Variants in CX3CR1 observed in about 807,000 individuals in gnomAD.
CX3CR1 encodes CX3C chemokine receptor 1.
For missense variants in CX3CR1, 363 were observed against 432.4 expected, an observed-to-expected ratio of 0.84 and a Z score of 1.42; for synonymous variants, 168 against 178.5, an observed-to-expected ratio of 0.94 and a Z score of 0.47.
upstream of CX3CR1, chr3:39,281,223 G>A (rs1243945593): frequency 2.9e-6 from 3 of 1,038,796 alleles, no homozygotes; most frequent in Admixed American, 1.6e-4. Flanking sequence ...CTTGGTCTCA[G>A]TGTTTGGCCA....
At chr3:39,283,800 T>TAC, upstream of CX3CR1, among the ~76,000 whole-genome samples, 2 of 30,626 alleles carry the variant, frequency 6.5e-5, no homozygotes, top group South Asian at 7.8e-4. Context: ...AAAAATTATA[T>TAC]ATATATATAT....
upstream of CX3CR1, chr3:39,281,359 C>T (rs887352467): frequency 1.2e-6 from 1 of 810,644 alleles, no homozygotes; most frequent in Non-Finnish European, 1.7e-6. Flanking sequence ...GGGGTCCACT[C>T]AGCTGGGCTG....
the CX3CR1 span, among the ~76,000 whole-genome samples, chr3:39,289,066 A>G: frequency 6.6e-6 from 1 of 152,138 alleles, no homozygotes; most frequent in Non-Finnish European, 1.5e-5. Flanking sequence ...AGGCAGGAGA[A>G]TCACTTGAAC....
chr3:39,279,996 C>G lies in CX3CR1; in HGVS notation c.-52G>C, dbSNP rs1157335289. 1 of 985,416 alleles carries G rather than the reference C, an allele frequency of 1.0e-6. No homozygotes were observed. Among genetic ancestry groups the G allele is most frequent in the Admixed American group, 6.1e-5 (1 of 16,272 alleles). The allele number at this position is 985,416 out of a possible 1,614,324, so 61.0% of individuals were successfully genotyped here. A position where few individuals can be genotyped will look rare whatever the true frequency, so the allele number is the denominator to read the frequency against. ...GGGAACCTCTGGATCTGCCAGTCAG[C>G]CACCCTGTCCTGCTCAGACTTTACC... On this transcript the variant is annotated 5_prime_UTR_variant, in exon 1 of 2. Transcript: ENST00000399220.
At chr3:39,279,675 A>G (rs1319413291) in intron 1 of CX3CR1, among the ~76,000 whole-genome samples, 1 of 152,214 alleles carries the variant, frequency 6.6e-6, no homozygotes, top group Non-Finnish European at 1.5e-5. Context: ...GCAATTTTTC[A>G]TGCTTTTTTC....
At chr3:39,279,648 C>T (rs2040874324) in intron 1 of CX3CR1, among the ~76,000 whole-genome samples, 1 of 152,172 alleles carries the variant, frequency 6.6e-6, no homozygotes, top group Admixed American at 6.5e-5. Context: ...GCAATAATTC[C>T]TCAACAGCAT....
At chr3:39,269,947 G>C (rs553171610) in intron 1 of CX3CR1, among the ~76,000 whole-genome samples, 1 of 152,364 alleles carries the variant, frequency 6.6e-6, no homozygotes, top group African/African-American at 2.4e-5. Context: ...GTCATTGAGG[G>C]ACATTTTTGA....
chr3:39,267,090 A>G lies in CX3CR1; in HGVS notation c.-9-572T>C, dbSNP rs566216844. 2.8e-4 allele frequency among the ~76,000 whole-genome samples: 42 copies of G among 152,200 alleles called. 1 individual carries two copies. The East Asian group carries it at 7.9e-3, about 29-fold the overall frequency. ...TGAGCCACAGCGCCCAGCCAGCTCTAGGCTTTTTGAAGCTTGAGACAGATC... is the reference window on the plus strand; with the variant it reads ...TGAGCCACAGCGCCCAGCCAGCTCTGGGCTTTTTGAAGCTTGAGACAGATC... On this transcript the variant is annotated intron_variant, in intron 1 of 1. Transcript: ENST00000399220.
Position 39,265,270 on chromosome 3 carries a change from T to C in CX3CR1, c.*172A>G, listed in dbSNP as rs1035437497. The C allele has an allele frequency of 6.5e-6, 4 of 612,658 alleles. No homozygotes were observed. The highest frequency in any genetic ancestry group is 8.3e-6 in the Non-Finnish European group (3 of 359,736). The allele number at this position is 612,658 out of a possible 1,614,324, so 38.0% of individuals were successfully genotyped here. On this transcript the variant is annotated 3_prime_UTR_variant, in exon 2 of 2. Coordinates refer to ENST00000399220, the MANE Select transcript of CX3CR1 (RefSeq NM_001337.4). ...TTGTCATTCAAAGAGTTCAATTTGTTCATTCTTCAAATTTTGAGCACAATT... is the reference window on the plus strand; with the variant it reads ...TTGTCATTCAAAGAGTTCAATTTGTCCATTCTTCAAATTTTGAGCACAATT...
upstream of CX3CR1, among the ~76,000 whole-genome samples, chr3:39,280,767 C>A (rs542360633): frequency 6.6e-6 from 1 of 152,344 alleles, no homozygotes; most frequent in South Asian, 2.1e-4. Flanking sequence ...AGTGGGGAGC[C>A]TGGTGGGCTC....
In CX3CR1 at chr3:39,265,648, G is replaced by A. The variant is rs1182637698; in HGVS notation, c.862C>T (p.Leu288=). 6.2e-7 allele frequency: 1 copy of A among 1,614,218 alleles called. No individual in the cohort carries two copies. Among genetic ancestry groups the A allele is most frequent in the Admixed American group, 1.7e-5 (1 of 60,026 alleles). ...GCAAATGCATAGATGAGAGGATTCA[G>A]GCAACAATGGCTAAATGCAACCGTC... ...TETVAFSHCC[L]NPLIYAFAGE... Residue 288 remains leucine, a synonymous_variant, in exon 2 of 2, where the codon CTG becomes TTG. Transcript: ENST00000399220.
chr3:39,278,911 A>G (rs1009234763), intron 1 of CX3CR1, among the ~76,000 whole-genome samples: 2 of 152,132 alleles, frequency 1.3e-5, no homozygotes, highest in Admixed American at 6.5e-5. Flanking sequence ...GAGCCTGAGT[A>G]TCCTCACAAT....
intron 1 of CX3CR1, among the ~76,000 whole-genome samples, chr3:39,273,428 T>G (rs531558815): frequency 6.6e-6 from 1 of 152,216 alleles, no homozygotes; most frequent in Non-Finnish European, 1.5e-5. Flanking sequence ...GTTTAGCCTA[T>G]TTTCTGCCTT....
chr3:39,272,839 C>G (rs1344189184), intron 1 of CX3CR1, among the ~76,000 whole-genome samples: 3 of 152,190 alleles, frequency 2.0e-5, no homozygotes, highest in Non-Finnish European at 2.9e-5. Context: ...AATCTGAAGT[C>G]ACCCTCAGAA....
At chr3:39,281,713 G>A (rs1221044075), upstream of CX3CR1, 1 of 1,581,476 alleles carries the variant, frequency 6.3e-7, no homozygotes, top group African/African-American at 1.3e-5. Context: ...TAAGTCCACG[G>A]CCTGGTAAGC....
chr3:39,283,791 AAAATTATATATAT>A (rs1369118987), upstream of CX3CR1, among the ~76,000 whole-genome samples: 3 of 83,792 alleles, frequency 3.6e-5, no homozygotes, highest in Non-Finnish European at 6.8e-5. Context: ...AAAAAAAAAA[AAAATTATATATAT>A]ATATATATAT....
upstream of CX3CR1, chr3:39,280,179 A>C (rs1367231895): frequency 5.1e-6 from 5 of 984,558 alleles, no homozygotes; most frequent in Non-Finnish European, 6.0e-6. Context: ...GGAGGGCCTG[A>C]CTTTATAAAC....
At chr3:39,292,677 T>C in the CX3CR1 span, among the ~76,000 whole-genome samples, 1 of 152,232 alleles carries the variant, frequency 6.6e-6, no homozygotes, top group Non-Finnish European at 1.5e-5. Flanking sequence ...CTAGTAATTG[T>C]CCTCATTTTA....
chr3:39,279,420 AT>A (rs1308814553), intron 1 of CX3CR1, among the ~76,000 whole-genome samples: 1 of 152,188 alleles, frequency 6.6e-6, no homozygotes, highest in Non-Finnish European at 1.5e-5. Context: ...AAATTTTCAA[AT>A]AAAAAGCAAC....
Sources: gnomAD v4.1 joint callset for allele counts (sites outside exome capture counted in the v4.1 genomes callset) on GRCh38, gnomAD v4.1.1 for gene constraint, MANE v1.5 for transcripts, NCBI Gene and HGNC (gene_info 2026-07-23, HGNC 2026-07-21) for gene names.